CHST11: variants seen among roughly 807,000 people sequenced by gnomAD.
CHST11 encodes the protein C4S-1.
A neutral mutation model predicts 30.4 loss-of-function variants in CHST11; 9 were observed. The ratio of observed to expected loss-of-function variants is 0.30; its 90% CI spans 0.18 to 0.52. The LOEUF (loss-of-function observed/expected upper bound fraction) is 0.52. Among genes scored for constraint, CHST11 ranks in the 20% least tolerant of loss-of-function variants. The pLI is 0.97. For missense variants in CHST11, 348 were observed against 460.6 expected (o/e 0.76, Z 2.24); for synonymous variants, 152 against 187.8 (o/e 0.81, Z 1.56).
chr12:104,639,299 G>A (rs2039353268), intron 2 of CHST11, among the ~76,000 whole-genome samples: 1 of 152,144 alleles, frequency 6.6e-6, no homozygotes, highest in African/African-American at 2.4e-5. Flanking sequence ...AACACCACTG[G>A]TCACAGCCCA....
chr12:104,597,197 A>G (rs1434378147), intron 1 of CHST11, among the ~76,000 whole-genome samples: 1 of 152,180 alleles, frequency 6.6e-6, no homozygotes, highest in Non-Finnish European at 1.5e-5. Context: ...AACAAACACG[A>G]GCGGCTTGAG....
At chr12:104,628,395 G>T (rs1310483581) in intron 2 of CHST11, among the ~76,000 whole-genome samples, 2 of 152,170 alleles carry the variant, frequency 1.3e-5, no homozygotes, top group Non-Finnish European at 2.9e-5. Context: ...AAGGGCAAAA[G>T]ATTTCTATTT....
intron 2 of CHST11, among the ~76,000 whole-genome samples, chr12:104,616,824 T>C (rs1168308949): frequency 6.6e-6 from 1 of 152,172 alleles, no homozygotes; most frequent in Non-Finnish European, 1.5e-5. Flanking sequence ...CAAGCCTTCT[T>C]AGAGCCTGGG....
intron 1 of CHST11, among the ~76,000 whole-genome samples, chr12:104,578,284 G>C (rs1205090392): frequency 2.0e-5 from 3 of 152,158 alleles, no homozygotes; most frequent in Non-Finnish European, 4.4e-5. Flanking sequence ...CTTCCCAGTC[G>C]TTGAACCCCG....
At chr12:104,498,105 A>T (rs1013167469) in intron 1 of CHST11, among the ~76,000 whole-genome samples, 8 of 151,682 alleles carry the variant, frequency 5.3e-5, no homozygotes, top group Admixed American at 4.6e-4. Flanking sequence ...TTTTTAGTAG[A>T]GATGGGGTTT....
intron 2 of CHST11, among the ~76,000 whole-genome samples, chr12:104,682,125 G>A (rs1040312424): frequency 3.3e-5 from 5 of 152,130 alleles, no homozygotes; most frequent in South Asian, 2.1e-4. Context: ...GAGCCACCGC[G>A]CCTGGCCTGT....
intron 2 of CHST11, among the ~76,000 whole-genome samples, chr12:104,630,223 A>G: frequency 6.6e-6 from 1 of 152,196 alleles, no homozygotes; most frequent in East Asian, 1.9e-4. Flanking sequence ...CAGGACATGT[A>G]TACCAGGAGC....
At chr12:104,739,389 C>T (rs1482463798) in intron 2 of CHST11, among the ~76,000 whole-genome samples, 2 of 152,328 alleles carry the variant, frequency 1.3e-5, no homozygotes, top group African/African-American at 2.4e-5. Flanking sequence ...TGTATTCATC[C>T]GTGCACCAGG....
intron 1 of CHST11, among the ~76,000 whole-genome samples, chr12:104,475,248 CTAAA>C (rs1360950487): frequency 6.6e-6 from 1 of 152,006 alleles, no homozygotes; most frequent in East Asian, 1.9e-4. Context: ...AGAGACAAAT[CTAAA>C]TAAGACTTAG....
At chr12:104,475,874 A>G (rs2037555649) in intron 1 of CHST11, among the ~76,000 whole-genome samples, 1 of 143,476 alleles carries the variant, frequency 7.0e-6, no homozygotes, top group African/African-American at 2.5e-5. Context: ...GGGATTAGGG[A>G]TGAATTTTTT....
intron 2 of CHST11, among the ~76,000 whole-genome samples, chr12:104,644,347 A>G (rs79086107): frequency 2.0e-5 from 3 of 152,044 alleles, no homozygotes; most frequent in Non-Finnish European, 4.4e-5. Flanking sequence ...TGGCCTCCCT[A>G]CTGATGTCTT....
intron 2 of CHST11, among the ~76,000 whole-genome samples, chr12:104,608,008 A>T (rs1202709327): frequency 6.6e-6 from 1 of 152,144 alleles, no homozygotes; most frequent in Non-Finnish European, 1.5e-5. Context: ...TGGTCTTCAT[A>T]TTAGGACCAC....
chr12:104,759,109 G>A lies in CHST11; in HGVS notation c.*1306G>A, dbSNP rs979225220. 2.6e-5 allele frequency: 4 copies of A among 152,094 alleles called. No homozygotes were observed. Among genetic ancestry groups the A allele is most frequent in the Non-Finnish European group, 2.9e-5 (2 of 68,036 alleles). 9.4% of individuals were successfully genotyped at this position (152,094 alleles called of 1,614,324 possible). ...AGTGTGAAATGCCAAGGTGAGACTC[G>A]TACACTTGGGGATTTGCAATGGTTT... On this transcript the variant is annotated 3_prime_UTR_variant, in exon 3 of 3. Coordinates refer to ENST00000303694, the MANE Select transcript of CHST11 (RefSeq NM_018413.6).
intron 1 of CHST11, among the ~76,000 whole-genome samples, chr12:104,587,266 TTTAA>T (rs1313653337): frequency 6.6e-6 from 1 of 152,244 alleles, no homozygotes; most frequent in Non-Finnish European, 1.5e-5. Context: ...TAGGGTGGCC[TTTAA>T]TTAATATTTG....
chr12:104,489,180 G>A (rs1001969808), intron 1 of CHST11, among the ~76,000 whole-genome samples: 1 of 152,054 alleles, frequency 6.6e-6, no homozygotes, highest in African/African-American at 2.4e-5. Flanking sequence ...GGGATTACAG[G>A]CGTCCGCCAC....
chr12:104,671,546 C>T (rs561976417), intron 2 of CHST11, among the ~76,000 whole-genome samples: 3 of 152,232 alleles, frequency 2.0e-5, no homozygotes, highest in African/African-American at 4.8e-5. Context: ...GAAGTCCTGT[C>T]GCTTCCCCCA....
At chr12:104,523,683 G>C (rs923436533) in intron 1 of CHST11, among the ~76,000 whole-genome samples, 2 of 152,206 alleles carry the variant, frequency 1.3e-5, no homozygotes, top group African/African-American at 4.8e-5. Context: ...TAAAACCGCA[G>C]AGCAGCCTCA....
chr12:104,572,809 G>T (rs898263975), intron 1 of CHST11, among the ~76,000 whole-genome samples: 13 of 152,110 alleles, frequency 8.5e-5, no homozygotes, highest in East Asian at 1.9e-4. Context: ...TGATGTTAGG[G>T]TGTCAGTTTT....
chr12:104,501,184 A>G (rs913746049), intron 1 of CHST11, among the ~76,000 whole-genome samples: 1 of 152,158 alleles, frequency 6.6e-6, no homozygotes, highest in African/African-American at 2.4e-5. Context: ...AACGGAGTAG[A>G]AAGATGCTCA....
Sources: gnomAD v4.1 joint callset for allele counts (sites outside exome capture counted in the v4.1 genomes callset) on GRCh38, gnomAD v4.1.1 for gene constraint, MANE v1.5 for transcripts, NCBI Gene and HGNC (gene_info 2026-07-23, HGNC 2026-07-21) for gene names.